Variants in ADGRV1 observed in about 807,000 individuals in gnomAD.
The protein encoded by ADGRV1 is adhesion G protein-coupled receptor V1, also known as G-protein coupled receptor 98.
Under a neutral mutation model 596.2 loss-of-function variants are expected in ADGRV1, and 359 were observed. The observed-to-expected ratio is 0.60, with a 90% CI of 0.55 to 0.66. The LOEUF is 0.66. ADGRV1 is among the 30% of genes least tolerant of loss of function. The probability of loss-of-function intolerance (pLI) is 0.00; values close to 1 mark genes in which losing one functional copy is unlikely to be tolerated. For synonymous variants in ADGRV1, 2,681 were observed against 2,679.2 expected (o/e 1.00, Z -0.02); for missense variants, 7,274 against 7,575.6 (o/e 0.96, Z 1.48).
chr5:91,033,976 C>G (rs995047507), intron 85 of ADGRV1, among the ~76,000 whole-genome samples: 2 of 152,098 alleles, frequency 1.3e-5, no homozygotes, highest in African/African-American at 4.8e-5. Flanking sequence ...TTTAACATTT[C>G]TTTTTCTCTT....
In ADGRV1 at chr5:90,574,181, T is replaced by A. The variant is rs563820028; in HGVS notation, c.22+15264T>A. The stretch of plus-strand genomic sequence containing the variant: ...TAATTTCAGAATAGTTTTTTTTTTT[T>A]AAATTCTGTGAAGAATGATGTTGGT... On this transcript the variant is annotated intron_variant, in intron 1 of 89. Coordinates refer to ENST00000405460, the MANE Select transcript of ADGRV1 (RefSeq NM_032119.4). Among the ~76,000 whole-genome samples the A allele has an allele frequency of 1.7e-4, 26 of 151,848 alleles. No individual in the cohort carries two copies. In the East Asian group the frequency reaches 1.7e-3, roughly 10 times the overall value.
intron 1 of ADGRV1, among the ~76,000 whole-genome samples, chr5:90,572,859 G>A (rs997300382): frequency 6.6e-5 from 10 of 152,222 alleles, no homozygotes; most frequent in Admixed American, 5.9e-4. Flanking sequence ...CTGGATAGGA[G>A]GAAGGATACG....
chr5:90,800,693 G>C (rs970950319), intron 70 of ADGRV1, among the ~76,000 whole-genome samples: 1 of 152,174 alleles, frequency 6.6e-6, no homozygotes, highest in African/African-American at 2.4e-5. Flanking sequence ...ATCAGTGATA[G>C]ACTAGATAAA....
At chr5:91,028,904 G>C (rs1279733772) in intron 85 of ADGRV1, among the ~76,000 whole-genome samples, 1 of 151,606 alleles carries the variant, frequency 6.6e-6, no homozygotes, top group Non-Finnish European at 1.5e-5. Flanking sequence ...ATGTGGCTAA[G>C]TTTTTTTTAT....
At chr5:90,709,801 C>T (rs1027152311) in intron 39 of ADGRV1, among the ~76,000 whole-genome samples, 1 of 152,202 alleles carries the variant, frequency 6.6e-6, no homozygotes, top group Non-Finnish European at 1.5e-5. Context: ...TTATTATTCA[C>T]ACTAAGACAA....
chr5:90,620,629 T>C (rs1462447376), intron 4 of ADGRV1, among the ~76,000 whole-genome samples: 1 of 152,238 alleles, frequency 6.6e-6, no homozygotes, highest in East Asian at 1.9e-4. Flanking sequence ...ATTTTGTCTT[T>C]TGTTGCCATT....
At chr5:90,778,120 T>G in intron 62 of ADGRV1, 77 bp downstream of exon 62, 3 of 1,426,166 alleles carry the variant, frequency 2.1e-6, no homozygotes, top group Non-Finnish European at 2.9e-6. Flanking sequence ...CATATGTGTA[T>G]GTGTGGGTGT....
chr5:90,920,220 G>C (rs1207401968), intron 83 of ADGRV1, among the ~76,000 whole-genome samples: 1 of 151,924 alleles, frequency 6.6e-6, no homozygotes, highest in Non-Finnish European at 1.5e-5. Context: ...TTTTTTCACT[G>C]TGTCCTTATG....
At chr5:91,000,186 C>T (rs955471398) in intron 85 of ADGRV1, among the ~76,000 whole-genome samples, 6 of 151,954 alleles carry the variant, frequency 3.9e-5, no homozygotes, top group African/African-American at 1.2e-4. Flanking sequence ...TCAATTTTAT[C>T]TCCTGCTTAT....
At chr5:90,825,039 C>T (rs143304347) in intron 76 of ADGRV1, among the ~76,000 whole-genome samples, 1,786 of 152,146 alleles carry the variant, frequency 0.012, 30 homozygotes, top group African/African-American at 0.029. Context: ...TGAGTTCAAG[C>T]GATTCTCATG....
chr5:90,814,421 T>C (rs1581207128), intron 74 of ADGRV1, among the ~76,000 whole-genome samples: 1 of 152,140 alleles, frequency 6.6e-6, no homozygotes, highest in Admixed American at 6.5e-5. Flanking sequence ...TTCAGGGTGA[T>C]GGGTACACAT....
In ADGRV1 at chr5:90,826,065, T is replaced by C. The variant is rs1018460009; in HGVS notation, c.16368+2469T>C. Among the ~76,000 whole-genome samples, 5 of 152,188 alleles carry C rather than the reference T, an allele frequency of 3.3e-5. No homozygotes were observed. The East Asian group carries it at 7.7e-4, about 23-fold the overall frequency. ...ATTTAAAAAGAGAGAAGATGGAAGA[T>C]GATTATTTTCTCATGAAAATGAAAA... is the stretch of plus-strand genomic sequence containing the variant. On this transcript the variant is annotated intron_variant, in intron 76 of 89. Transcript: ENST00000405460.
At chr5:90,642,200 A>G (rs1032938291) in intron 11 of ADGRV1, among the ~76,000 whole-genome samples, 1 of 152,174 alleles carries the variant, frequency 6.6e-6, no homozygotes, top group African/African-American at 2.4e-5. Flanking sequence ...AATCTTATGT[A>G]ATGAGTTTTA....
intron 1 of ADGRV1, among the ~76,000 whole-genome samples, chr5:90,572,495 A>G (rs115467763): frequency 0.012 from 1,755 of 152,322 alleles, 32 homozygotes; most frequent in African/African-American, 0.04. Context: ...GACCAATGGA[A>G]CAAAATAGAA....
At chr5:90,596,931 C>T (rs1561355255) in intron 1 of ADGRV1, among the ~76,000 whole-genome samples, 1 of 152,086 alleles carries the variant, frequency 6.6e-6, no homozygotes, top group African/African-American at 2.4e-5. Context: ...AAAACAAAAA[C>T]AAAAAGAGTG....
chr5:90,776,410 A>G, intron 60 of ADGRV1, 43 bp from the exon 61 acceptor site: 2 of 1,572,114 alleles, frequency 1.3e-6, no homozygotes, highest in Non-Finnish European at 1.7e-6. Flanking sequence ...CTAAGTGCTT[A>G]TGTGCACCTG....
rs375204711 is a variant in ADGRV1, at chr5:90,934,970, A to G, written c.17857-30445A>G. On this transcript the variant is annotated intron_variant, in intron 83 of 89. Coordinates refer to ENST00000405460, the MANE Select transcript of ADGRV1 (RefSeq NM_032119.4). ...CACCTTCATAACTTCATCCAACCTC[A>G]TCTAAACCTAATTACCTCCTAGAAG... Among the ~76,000 whole-genome samples, 14 of 152,250 alleles carry G rather than the reference A, an allele frequency of 9.2e-5. No individual in the cohort carries two copies. In the East Asian group the frequency reaches 1.5e-3, roughly 17 times the overall value.
chr5:91,149,928 A>T, intron 87 of ADGRV1, 102 bp from the exon 88 acceptor site: 1 of 938,298 alleles, frequency 1.1e-6, no homozygotes, highest in Non-Finnish European at 1.6e-6. Flanking sequence ...GAATGGACCA[A>T]TACAACCATG....
chr5:91,133,173 A>G (rs1794353605), intron 87 of ADGRV1, among the ~76,000 whole-genome samples: 1 of 152,212 alleles, frequency 6.6e-6, no homozygotes, highest in Non-Finnish European at 1.5e-5. Context: ...TAGGTAGCAA[A>G]GACTTAAATG....
Sources: gnomAD v4.1 joint callset for allele counts (sites outside exome capture counted in the v4.1 genomes callset) on GRCh38, gnomAD v4.1.1 for gene constraint, MANE v1.5 for transcripts, NCBI Gene and HGNC (gene_info 2026-07-23, HGNC 2026-07-21) for gene names.